MECOM: variants seen among roughly 807,000 people sequenced by gnomAD.
The protein encoded by MECOM is MDS1 and EVI1 complex locus, also known as histone-lysine N-methyltransferase MECOM.
Under a neutral mutation model 116.3 loss-of-function variants are expected in MECOM, and 13 were observed. That is an observed-to-expected ratio of 0.11 (90% CI 0.07 to 0.18). The LOEUF (loss-of-function observed/expected upper bound fraction) is 0.18. Ranked by LOEUF, MECOM falls within the 10% of genes least tolerant of loss-of-function variation. The pLI is 1.00. For missense variants in MECOM, 1,299 were observed against 1,509.0 expected (o/e 0.86, Z 2.31); for synonymous variants, 528 against 535.2 (o/e 0.99, Z 0.19).
In MECOM at chr3:169,552,825, G is replaced by A. The variant is rs116829740; in HGVS notation, c.37+110511C>T. On this transcript the variant is annotated intron_variant, in intron 1 of 16. Transcript: ENST00000651503. ...TGCTCCTCCTGATTTTTAAAGTGAGGAAGTGGGGCGGTGCCATCCCTAAGT... is the reference window on the plus strand; with the variant it reads ...TGCTCCTCCTGATTTTTAAAGTGAGAAAGTGGGGCGGTGCCATCCCTAAGT... Among the ~76,000 whole-genome samples, 1,158 of 135,202 alleles carry A rather than the reference G, an allele frequency of 8.6e-3. 36 individuals are homozygous for A. Among genetic ancestry groups the A allele is most frequent in the African/African-American group, 0.038 (1,106 of 29,126 alleles). 88.7% of individuals were successfully genotyped at this position (135,202 alleles called of 152,430 possible).
At chr3:169,526,760 C>T (rs1758012424) in intron 1 of MECOM, among the ~76,000 whole-genome samples, 1 of 151,816 alleles carries the variant, frequency 6.6e-6, no homozygotes, top group African/African-American at 2.4e-5. Context: ...GTAACTAAGC[C>T]CTGACTACTT....
intron 2 of MECOM, among the ~76,000 whole-genome samples, chr3:169,172,925 GA>G (rs1744650466): frequency 6.6e-6 from 1 of 152,130 alleles, no homozygotes; most frequent in African/African-American, 2.4e-5. Flanking sequence ...CACTGGAAAT[GA>G]GGACACTTTA....
intron 8 of MECOM, among the ~76,000 whole-genome samples, chr3:169,113,193 T>C (rs1389769379): frequency 2.0e-5 from 3 of 152,106 alleles, no homozygotes; most frequent in Non-Finnish European, 4.4e-5. Context: ...ATTCCAAATG[T>C]AGACAAGAAT....
chr3:169,532,902 A>G (rs1219990227), intron 1 of MECOM, among the ~76,000 whole-genome samples: 2 of 151,754 alleles, frequency 1.3e-5, no homozygotes, highest in African/African-American at 4.9e-5. Context: ...TGCTTCTTAA[A>G]GGGAATAACA....
At chr3:169,561,822 A>AAT (rs1229644842) in intron 1 of MECOM, among the ~76,000 whole-genome samples, 5 of 152,076 alleles carry the variant, frequency 3.3e-5, no homozygotes, top group Non-Finnish European at 7.4e-5. Context: ...TTTTTTTCTT[A>AAT]ATATTTAACA....
At chr3:169,636,617 T>C (rs718370) in intron 1 of MECOM, among the ~76,000 whole-genome samples, 52,298 of 151,718 alleles carry the variant, frequency 0.34, 9,298 homozygotes, top group East Asian at 0.57. Context: ...TCCTGGAACC[T>C]TTAGACTTTC....
intron 1 of MECOM, among the ~76,000 whole-genome samples, chr3:169,606,771 T>A (rs1768629401): frequency 6.6e-6 from 1 of 152,164 alleles, no homozygotes; most frequent in Non-Finnish European, 1.5e-5. Context: ...CTCACTACCA[T>A]CCATCTACTT....
chr3:169,227,341 A>G (rs1752858645), intron 2 of MECOM, among the ~76,000 whole-genome samples: 1 of 152,248 alleles, frequency 6.6e-6, no homozygotes, highest in African/African-American at 2.4e-5. Flanking sequence ...ATATAAATAA[A>G]TTCTGAATAT....
At chr3:169,314,651 G>A (rs2149738123) in intron 2 of MECOM, among the ~76,000 whole-genome samples, 1 of 151,996 alleles carries the variant, frequency 6.6e-6, no homozygotes, top group East Asian at 1.9e-4. Flanking sequence ...GAGAAGAAAA[G>A]GGAAAAGAAA....
rs1750643163 is a variant in MECOM at position 169,477,309 on chromosome 3, C to T, written c.38-95785G>A. Among the ~76,000 whole-genome samples the T allele has an allele frequency of 1.1e-4, 16 of 151,598 alleles. No homozygotes were observed. The South Asian group carries it at 3.3e-3, about 32-fold the overall frequency. On this transcript the variant is annotated intron_variant, in intron 1 of 16. Coordinates refer to ENST00000651503, the MANE Select transcript of MECOM (RefSeq NM_004991.4). ...ACAACTTCGAAGTGCTGCTGAGACC[C>T]TCATCAGCTTTTATCTTTGCGCCCC...
intron 2 of MECOM, among the ~76,000 whole-genome samples, chr3:169,169,914 T>G (rs1369034966): frequency 6.6e-6 from 1 of 152,076 alleles, no homozygotes; most frequent in Admixed American, 6.6e-5. Flanking sequence ...ATCTTACTAC[T>G]GGCCTAATTA....
chr3:169,659,940 A>G (rs537922901), intron 1 of MECOM, among the ~76,000 whole-genome samples: 33 of 152,262 alleles, frequency 2.2e-4, no homozygotes, highest in African/African-American at 7.9e-4. Context: ...TGCTAATCGC[A>G]TCGCCTTTTG....
chr3:169,592,836 C>T (rs753808414), intron 1 of MECOM, among the ~76,000 whole-genome samples: 24 of 152,144 alleles, frequency 1.6e-4, no homozygotes, highest in East Asian at 3.8e-4. Flanking sequence ...TACACACATA[C>T]ACATATACAC....
At chr3:169,507,308 G>C (rs1164836846) in intron 1 of MECOM, among the ~76,000 whole-genome samples, 1 of 152,136 alleles carries the variant, frequency 6.6e-6, no homozygotes, top group Admixed American at 6.5e-5. Flanking sequence ...TTTAATTTGG[G>C]TAATGAAAAA....
chr3:169,472,417 GAGGAA>G (rs774836004), intron 1 of MECOM, among the ~76,000 whole-genome samples: 16 of 137,436 alleles, frequency 1.2e-4, no homozygotes, highest in South Asian at 6.9e-4. Context: ...GAGGAGAGGA[GAGGAA>G]AGGAAAGGAA....
At chr3:169,489,080 CTAGA>C (rs1317043582) in intron 1 of MECOM, among the ~76,000 whole-genome samples, 1 of 151,974 alleles carries the variant, frequency 6.6e-6, no homozygotes, top group Admixed American at 6.6e-5. Context: ...TTTTTAAATG[CTAGA>C]TAGACTACTA....
intron 1 of MECOM, among the ~76,000 whole-genome samples, chr3:169,467,916 T>A (rs1233580753): frequency 6.6e-6 from 1 of 152,186 alleles, no homozygotes; most frequent in Admixed American, 6.6e-5. Context: ...TAAATAAACA[T>A]CTTTAAATGT....
chr3:169,382,186 G>A (rs898444643), intron 1 of MECOM, among the ~76,000 whole-genome samples: 4 of 152,110 alleles, frequency 2.6e-5, no homozygotes, highest in African/African-American at 4.8e-5. Flanking sequence ...CGCTAAAATC[G>A]TTAAAGAAAT....
At chr3:169,443,227 C>T (rs1312839620) in intron 1 of MECOM, among the ~76,000 whole-genome samples, 3 of 152,120 alleles carry the variant, frequency 2.0e-5, no homozygotes, top group African/African-American at 7.2e-5. Context: ...GAGCAGGCTC[C>T]TTGACTCTCT....
Sources: allele counts gnomAD v4.1 joint callset (sites outside exome capture counted in the v4.1 genomes callset), GRCh38; gene constraint gnomAD v4.1.1; transcripts MANE v1.5; gene names NCBI Gene and HGNC (gene_info 2026-07-23, HGNC 2026-07-21).